The following CPNE4 variants were observed in gnomAD, a reference collection of about 807,000 sequenced individuals.
CPNE4 encodes the protein copine 4, also known as copine-4.
A neutral mutation model predicts 67.9 loss-of-function variants in CPNE4; 25 were observed. The ratio of observed to expected loss-of-function variants is 0.37; its 90% CI spans 0.27 to 0.51. The LOEUF is 0.51. Among genes scored for constraint, CPNE4 ranks in the 20% least tolerant of loss-of-function variants. The pLI is 0.93. For missense variants in CPNE4, 464 were observed against 690.8 expected, an observed-to-expected ratio of 0.67 and a Z score of 3.68; for synonymous variants, 242 against 244.9, an observed-to-expected ratio of 0.99 and a Z score of 0.11.
intron 6 of CPNE4, among the ~76,000 whole-genome samples, chr3:131,680,320 C>T (rs2107671851): frequency 6.7e-6 from 1 of 149,056 alleles, no homozygotes; most frequent in South Asian, 2.1e-4. Context: ...CTATATGTGT[C>T]AAGAGACCTT....
At chr3:131,949,125 A>G (rs1208496835) in intron 1 of CPNE4, among the ~76,000 whole-genome samples, 1 of 152,208 alleles carries the variant, frequency 6.6e-6, no homozygotes, top group Non-Finnish European at 1.5e-5. Flanking sequence ...AATCTAGAGC[A>G]CAATCATTGC....
intron 2 of CPNE4, among the ~76,000 whole-genome samples, chr3:131,797,664 T>C (rs1352047622): frequency 6.6e-6 from 1 of 152,190 alleles, no homozygotes; most frequent in Admixed American, 6.5e-5. Flanking sequence ...TTAAGTATTA[T>C]CCTCCATCTA....
At chr3:131,953,238 TTAAAAAAAAAAA>T (rs1359039372) in intron 1 of CPNE4, among the ~76,000 whole-genome samples, 2,667 of 75,696 alleles carry the variant, frequency 0.035, 53 homozygotes, top group Middle Eastern at 0.097. Flanking sequence ...GAATGATCAA[TTAAAAAAAAAAA>T]AAAAAAAAAA....
At chr3:131,706,129 A>G (rs1249778637) in intron 3 of CPNE4, among the ~76,000 whole-genome samples, 5 of 152,208 alleles carry the variant, frequency 3.3e-5, no homozygotes, top group African/African-American at 1.2e-4. Context: ...AGTTGTCTTC[A>G]GTGAGACTTG....
chr3:132,034,203 C>T (rs551148243), intron 1 of CPNE4, among the ~76,000 whole-genome samples: 54 of 152,176 alleles, frequency 3.5e-4, no homozygotes, highest in African/African-American at 1.2e-3. Context: ...CTCCCTTCCC[C>T]TCCCCTTCCC....
chr3:131,980,944 G>A (rs895669333), intron 1 of CPNE4, among the ~76,000 whole-genome samples: 17 of 152,228 alleles, frequency 1.1e-4, no homozygotes, highest in African/African-American at 3.9e-4. Flanking sequence ...GAGCCAAACT[G>A]CAGTGATTGT....
intron 2 of CPNE4, among the ~76,000 whole-genome samples, chr3:131,799,783 G>A (rs773719380): frequency 3.3e-5 from 5 of 152,210 alleles, no homozygotes; most frequent in South Asian, 2.1e-4. Flanking sequence ...GGTTAGTAAC[G>A]AAGTGGCCAA....
intron 1 of CPNE4, among the ~76,000 whole-genome samples, chr3:131,956,336 T>C (rs1198636907): frequency 6.6e-6 from 1 of 152,206 alleles, no homozygotes; most frequent in African/African-American, 2.4e-5. Context: ...TTGATGTATT[T>C]CTTATATTTG....
upstream of CPNE4, chr3:132,037,933 T>C: frequency 4.1e-6 from 1 of 245,022 alleles, no homozygotes; most frequent in Non-Finnish European, 7.9e-6. Flanking sequence ...AAACCTTGGA[T>C]CCTTCCCTGA....
chr3:131,973,285 A>T (rs1383133578), intron 1 of CPNE4, among the ~76,000 whole-genome samples: 2 of 152,182 alleles, frequency 1.3e-5, no homozygotes, highest in East Asian at 3.8e-4. Flanking sequence ...GTCATTTCAA[A>T]GTTCTACCAA....
At chr3:131,637,529 T>G (rs73001247) in intron 7 of CPNE4, among the ~76,000 whole-genome samples, 45,247 of 152,068 alleles carry the variant, frequency 0.3, 10,568 homozygotes, top group African/African-American at 0.65. Context: ...AAGCCTCCAA[T>G]AAGTTTGGGA....
chr3:132,000,267 T>C (rs765886378), intron 1 of CPNE4, among the ~76,000 whole-genome samples: 1 of 152,030 alleles, frequency 6.6e-6, no homozygotes, highest in Admixed American at 6.6e-5. Flanking sequence ...GATTCAGCTA[T>C]AGAATTTAGA....
At chr3:131,628,131 A>T (rs2079124322) in intron 7 of CPNE4, among the ~76,000 whole-genome samples, 2 of 152,210 alleles carry the variant, frequency 1.3e-5, no homozygotes, top group African/African-American at 4.8e-5. Context: ...TTATTTTAAG[A>T]AATTGCCACA....
At chr3:131,973,442 C>T (rs572852652) in intron 1 of CPNE4, among the ~76,000 whole-genome samples, 13 of 152,192 alleles carry the variant, frequency 8.5e-5, no homozygotes, top group African/African-American at 2.6e-4. Flanking sequence ...TTTCTATAGC[C>T]TCTGATATGG....
chr3:132,021,402 A>G (rs1005479682), intron 1 of CPNE4, among the ~76,000 whole-genome samples: 1 of 144,224 alleles, frequency 6.9e-6, no homozygotes, highest in African/African-American at 2.4e-5. Context: ...GATTTTTTGA[A>G]CCCTATATAT....
intron 6 of CPNE4, among the ~76,000 whole-genome samples, chr3:131,681,694 T>C (rs2080760317): frequency 6.6e-6 from 1 of 152,198 alleles, no homozygotes; most frequent in African/African-American, 2.4e-5. Flanking sequence ...TCTCTCTTAT[T>C]ATCCCTTTGA....
intron 1 of CPNE4, among the ~76,000 whole-genome samples, chr3:132,008,589 G>A (rs1218773193): frequency 1.3e-5 from 2 of 152,052 alleles, no homozygotes; most frequent in African/African-American, 4.8e-5. Context: ...AAGAGTATAT[G>A]TGCACATTTG....
intron 1 of CPNE4, among the ~76,000 whole-genome samples, chr3:131,933,642 AATGG>A (rs1286707542): frequency 3.9e-5 from 6 of 152,154 alleles, no homozygotes; most frequent in African/African-American, 1.4e-4. Context: ...GGTGTTCATC[AATGG>A]ATGAATAAAT....
At chr3:131,801,446 G>GTATATA (rs1331072183) in intron 2 of CPNE4, among the ~76,000 whole-genome samples, 8 of 85,218 alleles carry the variant, frequency 9.4e-5, no homozygotes, top group African/African-American at 3.9e-4. Context: ...GTGTGTGTGT[G>GTATATA]TGTGTGTATA....
Sources: allele counts gnomAD v4.1 joint callset (sites outside exome capture counted in the v4.1 genomes callset), GRCh38; gene constraint gnomAD v4.1.1; transcripts MANE v1.5; gene names NCBI Gene and HGNC (gene_info 2026-07-23, HGNC 2026-07-21).